Variants in ARHGEF38 observed in about 807,000 individuals in gnomAD.
ARHGEF38 encodes Rho guanine nucleotide exchange factor 38, also known as Rho guanine nucleotide exchange factor (GEF) 38.
In ARHGEF38, 79 loss-of-function variants were observed where a neutral mutation model predicts 79.9. That is an observed-to-expected ratio of 0.99 (90% CI 0.82 to 1.19). The LOEUF (loss-of-function observed/expected upper bound fraction) is 1.19, where lower values mean the gene tolerates loss of function less well. ARHGEF38 is among the 50% of genes most tolerant of loss of function. The pLI, the probability that ARHGEF38 is intolerant of heterozygous loss-of-function variation, is 0.00. For synonymous variants in ARHGEF38, 366 were observed against 328.3 expected (o/e 1.11, Z -1.24); for missense variants, 962 against 907.2 (o/e 1.06, Z -0.78).
intron 1 of ARHGEF38, among the ~76,000 whole-genome samples, chr4:105,566,803 G>A (rs1437648752): frequency 6.7e-6 from 1 of 150,052 alleles, no homozygotes; most frequent in African/African-American, 2.5e-5. Flanking sequence ...GCCCAGGCTG[G>A]AGTGCAATGG....
chr4:105,623,960 G>A (rs1280522990), intron 3 of ARHGEF38, among the ~76,000 whole-genome samples: 1 of 152,080 alleles, frequency 6.6e-6, no homozygotes, highest in African/African-American at 2.4e-5. Context: ...TTCTTTGAGA[G>A]CCCCACCACA....
At chr4:105,602,745 A>AGTTTTGAGAATCTTCT (rs1213746053) in intron 2 of ARHGEF38, among the ~76,000 whole-genome samples, 2 of 152,140 alleles carry the variant, frequency 1.3e-5, no homozygotes, top group Non-Finnish European at 2.9e-5. Flanking sequence ...AACTCGGCTG[A>AGTTTTGAGAATCTTCT]GTTTTGAGAA....
In ARHGEF38 at chr4:105,679,389, A is replaced by T; in HGVS notation, c.*1452A>T. The T allele has an allele frequency of 7.3e-7, 1 of 1,363,308 alleles. No homozygotes were observed. The highest frequency in any genetic ancestry group is 1.0e-6 in the Non-Finnish European group (1 of 954,762). 84.5% of individuals were successfully genotyped at this position (1,363,308 alleles called of 1,614,324 possible). A position where few individuals can be genotyped will look rare whatever the true frequency, so the allele number is the denominator to read the frequency against. On this transcript the variant is annotated 3_prime_UTR_variant, in exon 14 of 14. Transcript: ENST00000420470. ...GAGGCACACTCTGGTAATCTGAGAC[A>T]CTGCATTACTATTCAGCTTTCTAAG... is the stretch of plus-strand genomic sequence containing the variant.
intron 13 of ARHGEF38, among the ~76,000 whole-genome samples, chr4:105,676,701 T>G (rs2110589675): frequency 6.6e-6 from 1 of 152,266 alleles, no homozygotes; most frequent in East Asian, 1.9e-4. Flanking sequence ...TTCTTTTGAC[T>G]GAAATATTGT....
Position 105,679,781 on chromosome 4 carries a change from G to A in ARHGEF38, c.*1844G>A. ...TTGATAAAAACATATACAAACCCCT[G>A]TCTGTCCAGCTTTACCCACGCATCC... On this transcript the variant is annotated 3_prime_UTR_variant, in exon 14 of 14. Transcript: ENST00000420470. 1 of 998,518 alleles carries A rather than the reference G, an allele frequency of 1.0e-6. No individual in the cohort carries two copies. The highest frequency in any genetic ancestry group is 2.4e-5 in the East Asian group (1 of 41,978). The allele number at this position is 998,518 out of a possible 1,614,324, so 61.9% of individuals were successfully genotyped here.
chr4:105,593,017 A>G (rs968105872), intron 2 of ARHGEF38, among the ~76,000 whole-genome samples: 5 of 152,198 alleles, frequency 3.3e-5, no homozygotes, highest in Non-Finnish European at 2.9e-5. Context: ...GGAATCATTC[A>G]TAGCACTATT....
chr4:105,584,938 G>A lies in ARHGEF38; in HGVS notation c.197-4310G>A, dbSNP rs1437833396. On this transcript the variant is annotated intron_variant, in intron 1 of 13. Transcript: ENST00000420470. ...TCTAAGAGATCGAGGTTCTCCCCAC[G>A]CATATACCCAAGCCAGATAAACTGC... 7.9e-5 allele frequency among the ~76,000 whole-genome samples: 12 copies of A among 152,206 alleles called. No individual in the cohort carries two copies. In the South Asian group the frequency reaches 2.1e-3, roughly 26 times the overall value.
At chr4:105,647,268 T>C (rs575282338) in intron 6 of ARHGEF38, among the ~76,000 whole-genome samples, 53 of 152,252 alleles carry the variant, frequency 3.5e-4, no homozygotes, top group African/African-American at 1.3e-3. Flanking sequence ...TTCTCTTTTC[T>C]TCTGTCTTTC....
intron 3 of ARHGEF38, among the ~76,000 whole-genome samples, chr4:105,623,173 G>A (rs984663156): frequency 6.6e-6 from 1 of 152,194 alleles, no homozygotes; most frequent in Non-Finnish European, 1.5e-5. Context: ...TGTGTCACCA[G>A]CACCCAGAAC....
At chr4:105,653,931 G>A in intron 7 of ARHGEF38, 134 bp from the exon 8 acceptor site, 3 of 436,426 alleles carry the variant, frequency 6.9e-6, no homozygotes, top group Non-Finnish European at 8.2e-6. Context: ...TGTTAAGACA[G>A]ACAGCATGTC....
chr4:105,639,126 T>G (rs892566858), intron 5 of ARHGEF38, among the ~76,000 whole-genome samples: 39 of 152,020 alleles, frequency 2.6e-4, no homozygotes, highest in Admixed American at 6.6e-5. Context: ...TAGGCCCAAA[T>G]AGTATCCTGT....
chr4:105,557,154 TG>T (rs1725289079), intron 1 of ARHGEF38, among the ~76,000 whole-genome samples: 1 of 152,114 alleles, frequency 6.6e-6, no homozygotes. Context: ...TCTCTACATT[TG>T]AAATATGCCT....
intron 2 of ARHGEF38, among the ~76,000 whole-genome samples, chr4:105,612,752 T>C (rs1728345152): frequency 1.3e-5 from 2 of 152,128 alleles, no homozygotes; most frequent in Non-Finnish European, 1.5e-5. Flanking sequence ...CAGAAATTAT[T>C]TGATGAAAGG....
At chr4:105,571,253 T>C (rs1726212838) in intron 1 of ARHGEF38, among the ~76,000 whole-genome samples, 3 of 152,134 alleles carry the variant, frequency 2.0e-5, no homozygotes, top group Admixed American at 6.5e-5. Context: ...AAATTTGTTA[T>C]TAAAATTATT....
In ARHGEF38 at chr4:105,679,687, G is replaced by A. The variant is rs895876294; in HGVS notation, c.*1750G>A. On this transcript the variant is annotated 3_prime_UTR_variant, in exon 14 of 14. Transcript: ENST00000420470. ...AAATTTAACTAAATCCATTGTAGAA[G>A]GAACACCTACACATTTAAAAGTAAT... 24 of 792,146 alleles carry A rather than the reference G, an allele frequency of 3.0e-5. No individual in the cohort carries two copies. In the African/African-American group the frequency reaches 3.2e-4, roughly 11 times the overall value. 49.1% of individuals were successfully genotyped at this position (792,146 alleles called of 1,614,324 possible).
intron 6 of ARHGEF38, among the ~76,000 whole-genome samples, chr4:105,645,623 T>C (rs1051569654): frequency 5.9e-4 from 90 of 152,164 alleles, no homozygotes; most frequent in Non-Finnish European, 1.2e-4. Context: ...ATGCTCAACT[T>C]CATTGGACCA....
chr4:105,652,134 T>A (rs777135888), intron 7 of ARHGEF38, among the ~76,000 whole-genome samples: 1 of 152,210 alleles, frequency 6.6e-6, no homozygotes, highest in Admixed American at 6.5e-5. Flanking sequence ...AATAGAGGTG[T>A]GGATTCTATC....
intron 3 of ARHGEF38, among the ~76,000 whole-genome samples, chr4:105,629,926 A>C (rs1339207568): frequency 2.0e-5 from 3 of 152,202 alleles, no homozygotes; most frequent in African/African-American, 7.2e-5. Context: ...TTATTTCTCT[A>C]AACTCCATTG....
rs544104408 is a variant in ARHGEF38, at chr4:105,578,442, G to A, written c.197-10806G>A. Among the ~76,000 whole-genome samples the A allele has an allele frequency of 2.0e-5, 3 of 152,250 alleles. No individual in the cohort carries two copies. The South Asian group carries it at 6.2e-4, about 32-fold the overall frequency. On this transcript the variant is annotated intron_variant, in intron 1 of 13. Transcript: ENST00000420470. The stretch of plus-strand genomic sequence containing the variant: ...TCTATAATATCTGTTAGGTCCATTT[G>A]TTATAGAATATAAGTTAAGTCTGTT...
Sources: gnomAD v4.1 joint callset for allele counts (sites outside exome capture counted in the v4.1 genomes callset) on GRCh38, gnomAD v4.1.1 for gene constraint, MANE v1.5 for transcripts, NCBI Gene and HGNC (gene_info 2026-07-23, HGNC 2026-07-21) for gene names.